The following MYO16 variants were observed in gnomAD, a reference collection of about 807,000 sequenced individuals.
MYO16 encodes the protein myosin XVI, also known as unconventional myosin-XVI.
MYO16 carries 94 observed loss-of-function variants against 205.3 expected under a neutral mutation model. The ratio of observed to expected loss-of-function variants is 0.46; its 90% CI spans 0.39 to 0.54. The LOEUF (loss-of-function observed/expected upper bound fraction) is 0.54. MYO16 is among the 20% of genes least tolerant of loss of function. The pLI, the probability that MYO16 is intolerant of heterozygous loss-of-function variation, is 0.00. For missense variants in MYO16, 2,315 were observed against 2,387.5 expected, an observed-to-expected ratio of 0.97 and a Z score of 0.63; for synonymous variants, 988 against 954.0, an observed-to-expected ratio of 1.04 and a Z score of -0.66.
chr13:108,853,057 C>T (rs141081136), intron 10 of MYO16, among the ~76,000 whole-genome samples: 33 of 152,214 alleles, frequency 2.2e-4, no homozygotes, highest in African/African-American at 7.0e-4. Flanking sequence ...TTTGTGTGAC[C>T]GATGAAAGCA....
chr13:109,159,853 G>A (rs934952201), intron 32 of MYO16, among the ~76,000 whole-genome samples: 22 of 152,254 alleles, frequency 1.4e-4, no homozygotes, highest in African/African-American at 5.3e-4. Context: ...CGTGTAAGGG[G>A]GGCTGGGGCC....
chr13:108,802,462 A>G (rs1282687689), intron 6 of MYO16, among the ~76,000 whole-genome samples: 1 of 152,148 alleles, frequency 6.6e-6, no homozygotes, highest in South Asian at 2.1e-4. Flanking sequence ...TTATGTATAT[A>G]TGCTACATTT....
At chr13:108,836,980 CATG>C (rs1182101109) in intron 9 of MYO16, among the ~76,000 whole-genome samples, 2 of 152,140 alleles carry the variant, frequency 1.3e-5, no homozygotes, top group African/African-American at 2.4e-5. Flanking sequence ...GTTGAAAAGG[CATG>C]ATGTTTGAAA....
intron 32 of MYO16, among the ~76,000 whole-genome samples, chr13:109,156,791 C>T (rs554039888): frequency 3.8e-4 from 58 of 152,210 alleles, no homozygotes; most frequent in Non-Finnish European, 6.8e-4. Context: ...CCCTCCTGCA[C>T]GCCCACATCT....
chr13:108,582,559 C>T, the MYO16 span, among the ~76,000 whole-genome samples: 15 of 152,274 alleles, frequency 9.9e-5, no homozygotes, highest in African/African-American at 3.4e-4. Flanking sequence ...TGTAAGTTCC[C>T]GGAAGCAGTG....
rs145760477 is a variant in MYO16, at chr13:109,114,883, T to C, written c.3439-5487T>C. 6.4e-3 allele frequency among the ~76,000 whole-genome samples: 978 copies of C among 152,264 alleles called. 7 individuals carry two copies. The highest frequency in any genetic ancestry group is 0.012 in the Non-Finnish European group (809 of 68,010). On this transcript the variant is annotated intron_variant, in intron 28 of 34. Transcript: ENST00000457511. ...TGACACATACAATACAAATAATATA[T>C]GCCTCTTCAACTCCCAAAGAATGCA... is the stretch of plus-strand genomic sequence containing the variant.
chr13:109,077,955 A>T (rs1358028830), intron 27 of MYO16, among the ~76,000 whole-genome samples: 1 of 151,744 alleles, frequency 6.6e-6, no homozygotes, highest in African/African-American at 2.4e-5. Flanking sequence ...TGCTCTGTTG[A>T]TATTTCTTAG....
intron 1 of MYO16, among the ~76,000 whole-genome samples, chr13:108,616,428 G>A (rs1879351973): frequency 6.6e-6 from 1 of 152,104 alleles, no homozygotes; most frequent in Admixed American, 6.5e-5. Context: ...AAATCATCGA[G>A]AGAACTGTGG....
chr13:108,969,687 C>T (rs79175989), intron 20 of MYO16, among the ~76,000 whole-genome samples: 1,828 of 152,324 alleles, frequency 0.012, 34 homozygotes, highest in African/African-American at 0.042. Context: ...AGTGTTAGCA[C>T]GTTTGAGAGG....
At position 108,797,951 on chromosome 13, in the gene MYO16, CCTT is replaced by C. The variant is rs774248047; in HGVS notation, c.741+4315_741+4317del. Among the ~76,000 whole-genome samples the C allele has an allele frequency of 5.3e-5, 8 of 152,232 alleles. 1 individual carries two copies. Among genetic ancestry groups the C allele is most frequent in the African/African-American group, 1.4e-4 (6 of 41,548 alleles). ...TTTTCAGTTTTTACTTTCCTTGTGA[CCTT>C]CTTTTTATTGAACAGAGAGCATAAA... On this transcript the variant is annotated intron_variant, in intron 6 of 34. Coordinates refer to ENST00000457511, the MANE Select transcript of MYO16 (RefSeq NM_001198950.3).
intron 2 of MYO16, among the ~76,000 whole-genome samples, chr13:108,682,755 A>G (rs1795773755): frequency 6.6e-6 from 1 of 152,078 alleles, no homozygotes; most frequent in South Asian, 2.1e-4. Context: ...GCTTATCACA[A>G]GGGACAGTAA....
chr13:108,936,085 T>TTTCCTTCCTTCCTTCC (rs56030003), intron 16 of MYO16, among the ~76,000 whole-genome samples: 4 of 129,016 alleles, frequency 3.1e-5, no homozygotes, highest in African/African-American at 5.9e-5. Context: ...TTGGCTATAG[T>TTTCCTTCCTTCCTTCC]TTCCTTCCTT....
chr13:109,151,536 G>A (rs1298737632), intron 32 of MYO16, among the ~76,000 whole-genome samples: 1 of 152,160 alleles, frequency 6.6e-6, no homozygotes, highest in Non-Finnish European at 1.5e-5. Flanking sequence ...CTGAGAATTT[G>A]TGCATTACCT....
At chr13:108,978,744 C>T (rs1884355951) in intron 20 of MYO16, among the ~76,000 whole-genome samples, 1 of 151,798 alleles carries the variant, frequency 6.6e-6, no homozygotes, top group Non-Finnish European at 1.5e-5. Context: ...TCTGTTTTTT[C>T]TCTCCAAAAC....
chr13:108,658,486 C>T (rs567332632), intron 1 of MYO16, among the ~76,000 whole-genome samples: 14 of 149,360 alleles, frequency 9.4e-5, no homozygotes, highest in South Asian at 6.4e-4. Flanking sequence ...CCAGATACTT[C>T]GCTTATTGAC....
chr13:109,076,683 A>T (rs1048513599), intron 27 of MYO16, among the ~76,000 whole-genome samples: 4 of 152,262 alleles, frequency 2.6e-5, no homozygotes, highest in Non-Finnish European at 5.9e-5. Context: ...ATCAGCAGGG[A>T]AATGGTCCTA....
At chr13:108,824,211 T>G (rs575927883) in intron 9 of MYO16, among the ~76,000 whole-genome samples, 1 of 152,124 alleles carries the variant, frequency 6.6e-6, no homozygotes, top group South Asian at 2.1e-4. Flanking sequence ...CCTGTAAAAT[T>G]ACTGAAAGAT....
At chr13:108,563,346 T>C in the MYO16 span, among the ~76,000 whole-genome samples, 1 of 152,158 alleles carries the variant, frequency 6.6e-6, no homozygotes, top group Non-Finnish European at 1.5e-5. Context: ...AATTATACTA[T>C]TTTAGTTATT....
chr13:108,668,457 G>C (rs925499089), intron 2 of MYO16, among the ~76,000 whole-genome samples: 1 of 152,198 alleles, frequency 6.6e-6, no homozygotes, highest in Non-Finnish European at 1.5e-5. Context: ...GAATTTAATA[G>C]TGACAAACAG....
Sources: gnomAD v4.1 joint callset for allele counts (sites outside exome capture counted in the v4.1 genomes callset) on GRCh38, gnomAD v4.1.1 for gene constraint, MANE v1.5 for transcripts, NCBI Gene and HGNC (gene_info 2026-07-23, HGNC 2026-07-21) for gene names.